The following RETREG1 variants were observed in gnomAD, a reference collection of about 807,000 sequenced individuals.
RETREG1 encodes the protein reticulophagy regulator 1.
A neutral mutation model predicts 54.8 loss-of-function variants in RETREG1; 44 were observed. The observed-to-expected ratio is 0.80, with a 90% confidence interval of 0.63 to 1.03. The LOEUF (loss-of-function observed/expected upper bound fraction) is 1.03, where lower values mean the gene tolerates loss of function less well. RETREG1 is among the 50% of genes least tolerant of loss of function. The pLI is 0.00. For missense variants in RETREG1, 554 were observed against 605.1 expected, an observed-to-expected ratio of 0.92 and a Z score of 0.89; for synonymous variants, 217 against 238.5, an observed-to-expected ratio of 0.91 and a Z score of 0.83.
At chr5:16,505,004 A>C (rs1739892432) in intron 3 of RETREG1, among the ~76,000 whole-genome samples, 1 of 152,226 alleles carries the variant, frequency 6.6e-6, no homozygotes, top group African/African-American at 2.4e-5. Flanking sequence ...TATTTAAGTC[A>C]ATTTCTTTTA....
intron 3 of RETREG1, among the ~76,000 whole-genome samples, chr5:16,562,293 C>A (rs374083235): frequency 7.9e-4 from 120 of 152,196 alleles, no homozygotes; most frequent in African/African-American, 2.7e-3. Flanking sequence ...CCAGCCTGGG[C>A]AACAAGAGTG....
At chr5:16,495,113 G>A (rs559718541) in intron 3 of RETREG1, among the ~76,000 whole-genome samples, 1 of 152,280 alleles carries the variant, frequency 6.6e-6, no homozygotes, top group African/African-American at 2.4e-5. Flanking sequence ...GGTATCTGGT[G>A]GAAGAAATTT....
At chr5:16,475,317 A>C (rs1033730563) in intron 8 of RETREG1, 83 bp from the exon 9 acceptor site, 2 of 1,507,356 alleles carry the variant, frequency 1.3e-6, no homozygotes, top group African/African-American at 2.8e-5. Context: ...ATCTGACTTT[A>C]ATCTGAACCC....
At chr5:16,575,233 A>G (rs1742290174) in intron 1 of RETREG1, among the ~76,000 whole-genome samples, 1 of 152,228 alleles carries the variant, frequency 6.6e-6, no homozygotes, top group Non-Finnish European at 1.5e-5. Context: ...TTACGCGTTT[A>G]AATGCTGACT....
At chr5:16,524,570 C>T (rs987657986) in intron 3 of RETREG1, among the ~76,000 whole-genome samples, 5 of 152,208 alleles carry the variant, frequency 3.3e-5, no homozygotes, top group Admixed American at 6.5e-5. Context: ...CGCTGCCAGA[C>T]GCTGCTTTCG....
chr5:16,520,137 A>T (rs908436466), intron 3 of RETREG1, among the ~76,000 whole-genome samples: 7 of 152,136 alleles, frequency 4.6e-5, no homozygotes, highest in African/African-American at 1.4e-4. Context: ...GAAGGCCAGG[A>T]GAGCAGGACA....
intron 3 of RETREG1, among the ~76,000 whole-genome samples, chr5:16,548,849 A>G (rs952378548): frequency 1.1e-4 from 16 of 152,348 alleles, no homozygotes; most frequent in African/African-American, 3.8e-4. Context: ...GCTTAGCAGA[A>G]CTGTGAGAAA....
chr5:16,615,685 G>C (rs931600341), intron 1 of RETREG1, among the ~76,000 whole-genome samples: 3 of 152,190 alleles, frequency 2.0e-5, no homozygotes, highest in African/African-American at 7.2e-5. Context: ...AGGACTAGCA[G>C]AGATCTGAGG....
intron 3 of RETREG1, among the ~76,000 whole-genome samples, chr5:16,499,056 T>G (rs1739590029): frequency 6.7e-6 from 1 of 150,254 alleles, no homozygotes; most frequent in Non-Finnish European, 1.5e-5. Context: ...AGCTTTTTAC[T>G]ATTTTTAATT....
At chr5:16,487,568 G>T (rs1210986933) in intron 3 of RETREG1, among the ~76,000 whole-genome samples, 1 of 152,172 alleles carries the variant, frequency 6.6e-6, no homozygotes, top group East Asian at 1.9e-4. Context: ...CTTTGCTCAA[G>T]GATCTGTAAC....
At chr5:16,485,494 G>A (rs1738979901) in intron 3 of RETREG1, among the ~76,000 whole-genome samples, 1 of 152,146 alleles carries the variant, frequency 6.6e-6, no homozygotes, top group African/African-American at 2.4e-5. Context: ...TGAATGAATA[G>A]TACTTTGTAC....
intron 3 of RETREG1, among the ~76,000 whole-genome samples, chr5:16,513,759 T>C (rs1484193302): frequency 6.6e-6 from 1 of 152,102 alleles, no homozygotes; most frequent in Non-Finnish European, 1.5e-5. Context: ...CAAGAATGAG[T>C]CCTGTTTTCT....
At chr5:16,579,777 T>C (rs1480429401) in intron 1 of RETREG1, among the ~76,000 whole-genome samples, 2 of 152,212 alleles carry the variant, frequency 1.3e-5, no homozygotes, top group African/African-American at 4.8e-5. Context: ...AGTGTTTTTG[T>C]GGCGTGATAG....
At chr5:16,492,493 A>G (rs1739291453) in intron 3 of RETREG1, among the ~76,000 whole-genome samples, 1 of 151,844 alleles carries the variant, frequency 6.6e-6, no homozygotes, top group African/African-American at 2.4e-5. Flanking sequence ...AGGATTTGTT[A>G]TAACTCGTCA....
intron 3 of RETREG1, among the ~76,000 whole-genome samples, chr5:16,559,204 AT>A (rs1288409332): frequency 1.3e-5 from 2 of 152,186 alleles, no homozygotes; most frequent in Non-Finnish European, 2.9e-5. Flanking sequence ...ACAAAAGAGC[AT>A]TTCATTGCAA....
chr5:16,608,622 T>C (rs951411838), intron 1 of RETREG1, among the ~76,000 whole-genome samples: 1 of 152,202 alleles, frequency 6.6e-6, no homozygotes, highest in African/African-American at 2.4e-5. Context: ...CTGTGTCTCC[T>C]AAACCAGTGG....
intron 3 of RETREG1, among the ~76,000 whole-genome samples, chr5:16,543,632 C>T (rs148213548): frequency 0.028 from 4,250 of 150,668 alleles, 103 homozygotes; most frequent in Non-Finnish European, 0.044. Context: ...GCCGAGATCG[C>T]GCCATTGCAC....
At position 16,479,111 on chromosome 5, in the gene RETREG1, A is replaced by G. The variant is rs33692; in HGVS notation, c.671-124T>C. ...CTTAAGTTTTTTTAAGGGAAATGCC[A>G]TTGTGAAATAAGTTTATAATTTCTA... On this transcript the variant is annotated intron_variant, in intron 5 of 8. Coordinates refer to ENST00000306320, the MANE Select transcript of RETREG1 (RefSeq NM_001034850.3). The G allele has an allele frequency of 0.68, 583,322 of 854,848 alleles. 201,154 individuals are homozygous for G. Among genetic ancestry groups the G allele is most frequent in the African/African-American group, 0.81 (46,772 of 57,854 alleles). The allele number at this position is 854,848 out of a possible 1,614,324, so 53.0% of individuals were successfully genotyped here. A position where few individuals can be genotyped will look rare whatever the true frequency, so the allele number is the denominator to read the frequency against.
At chr5:16,517,688 A>T (rs1409957475) in intron 3 of RETREG1, among the ~76,000 whole-genome samples, 1 of 152,164 alleles carries the variant, frequency 6.6e-6, no homozygotes, top group Admixed American at 6.5e-5. Flanking sequence ...GGGCAGCCAC[A>T]TGTTTTTGAT....
Sources: gnomAD v4.1 joint callset for allele counts (sites outside exome capture counted in the v4.1 genomes callset) on GRCh38, gnomAD v4.1.1 for gene constraint, MANE v1.5 for transcripts, NCBI Gene and HGNC (gene_info 2026-07-23, HGNC 2026-07-21) for gene names.